The following MSRA variants were observed in gnomAD, a reference collection of about 807,000 sequenced individuals.
MSRA encodes methionine sulfoxide reductase A, also known as mitochondrial peptide methionine sulfoxide reductase.
In MSRA, 54 loss-of-function variants were observed where a neutral mutation model predicts 31.3. The ratio of observed to expected loss-of-function variants is 1.73; its 90% CI spans 1.39 to 2.17. MSRA has a LOEUF of 2.17. Among genes scored for constraint, MSRA ranks in the 30% most tolerant of loss-of-function variants. The pLI, the probability that MSRA is intolerant of heterozygous loss-of-function variation, is 0.00. For missense variants in MSRA, 507 were observed against 300.9 expected (o/e 1.69, Z -5.07); for synonymous variants, 169 against 116.5 (o/e 1.45, Z -2.90).
chr8:10,355,569 A>G (rs1053743465), intron 5 of MSRA, among the ~76,000 whole-genome samples: 5 of 152,178 alleles, frequency 3.3e-5, no homozygotes, highest in African/African-American at 1.2e-4. Context: ...GGCTCACCTG[A>G]TGGATGCATT....
intron 1 of MSRA, among the ~76,000 whole-genome samples, chr8:10,147,328 G>A (rs1357118099): frequency 2.0e-5 from 3 of 152,148 alleles, no homozygotes; most frequent in East Asian, 1.9e-4. Context: ...TGGCCACCGA[G>A]CCTAGGGAGT....
intron 1 of MSRA, among the ~76,000 whole-genome samples, chr8:10,140,960 TA>T (rs1802652969): frequency 6.6e-6 from 1 of 152,090 alleles, no homozygotes; most frequent in African/African-American, 2.4e-5. Flanking sequence ...GCCATACACC[TA>T]AAGATGAATA....
At position 10,078,340 on chromosome 8, in the gene MSRA, A is replaced by C. The variant is rs529989214; in HGVS notation, c.142+23682A>C. ...CTGAAACGTGAGAGAGGTGTGTATG[A>C]ATGGTTGGTTTGGGTGTATGTTCAC... On this transcript the variant is annotated intron_variant, in intron 1 of 5. Coordinates refer to ENST00000317173, the MANE Select transcript of MSRA (RefSeq NM_012331.5). Among the ~76,000 whole-genome samples the C allele has an allele frequency of 3.9e-4, 59 of 152,272 alleles. 1 individual carries two copies. The South Asian group carries it at 0.012, about 32-fold the overall frequency.
intron 3 of MSRA, among the ~76,000 whole-genome samples, chr8:10,259,502 TCTC>T (rs1384827596): frequency 2.0e-5 from 3 of 152,220 alleles, no homozygotes; most frequent in South Asian, 4.2e-4. Context: ...TCTGGAGTTG[TCTC>T]CTCCTCTCTC....
chr8:10,257,047 A>G (rs985006049), intron 3 of MSRA, among the ~76,000 whole-genome samples: 1 of 152,256 alleles, frequency 6.6e-6, no homozygotes, highest in Non-Finnish European at 1.5e-5. Context: ...TAGTTATATC[A>G]GGCAGGAAGA....
chr8:10,247,976 G>A (rs930955692), intron 3 of MSRA, among the ~76,000 whole-genome samples: 1 of 152,068 alleles, frequency 6.6e-6, no homozygotes, highest in African/African-American at 2.4e-5. Context: ...GAGGGGTGGG[G>A]GAGACATAAA....
At chr8:10,256,484 G>A (rs959560832) in intron 3 of MSRA, among the ~76,000 whole-genome samples, 2 of 152,318 alleles carry the variant, frequency 1.3e-5, no homozygotes, top group South Asian at 2.1e-4. Context: ...ACTCTGGAGT[G>A]GGGGAGGCCT....
intron 5 of MSRA, among the ~76,000 whole-genome samples, chr8:10,423,916 T>C (rs1433524683): frequency 6.6e-6 from 1 of 152,192 alleles, no homozygotes; most frequent in Non-Finnish European, 1.5e-5. Flanking sequence ...TTCTCATTCA[T>C]TCATTCATTC....
At chr8:10,367,729 GGC>G (rs1249337196) in intron 5 of MSRA, among the ~76,000 whole-genome samples, 1 of 152,194 alleles carries the variant, frequency 6.6e-6, no homozygotes, top group Non-Finnish European at 1.5e-5. Context: ...CTCTGTCTCC[GGC>G]GCTGGCTGGA....
chr8:10,113,289 C>CTTTTTTTGTTTTTTTTTTTTT (rs1467440154), intron 1 of MSRA, among the ~76,000 whole-genome samples: 1 of 50,896 alleles, frequency 2.0e-5, no homozygotes, highest in Non-Finnish European at 3.2e-5. Context: ...GAAGACAGGT[C>CTTTTTTTGTTTTTTTTTTTTT]TTCTTTTTTT....
chr8:10,238,381 C>G (rs1259747270), intron 2 of MSRA, among the ~76,000 whole-genome samples: 1 of 152,206 alleles, frequency 6.6e-6, no homozygotes, highest in Non-Finnish European at 1.5e-5. Flanking sequence ...ACTATGTCAT[C>G]TACCTAGGAT....
At chr8:10,234,407 A>G (rs1811765210) in intron 2 of MSRA, among the ~76,000 whole-genome samples, 1 of 152,148 alleles carries the variant, frequency 6.6e-6, no homozygotes, top group Non-Finnish European at 1.5e-5. Flanking sequence ...TGGAAAACAT[A>G]GTGAAGTGGG....
At chr8:10,355,264 C>T (rs1270731549) in intron 5 of MSRA, among the ~76,000 whole-genome samples, 1 of 152,114 alleles carries the variant, frequency 6.6e-6, no homozygotes, top group East Asian at 1.9e-4. Context: ...TTCATGTTTG[C>T]AAAGAGAGGA....
At chr8:10,237,519 T>C (rs944705312) in intron 2 of MSRA, among the ~76,000 whole-genome samples, 4 of 152,250 alleles carry the variant, frequency 2.6e-5, no homozygotes, top group Admixed American at 6.5e-5. Context: ...GGATATGTTA[T>C]GGAATTTGAC....
intron 5 of MSRA, among the ~76,000 whole-genome samples, chr8:10,423,748 C>A (rs768725938): frequency 6.6e-6 from 1 of 152,188 alleles, no homozygotes; most frequent in African/African-American, 2.4e-5. Flanking sequence ...CTCTGTGACA[C>A]GGAAAGTGGC....
chr8:10,219,516 T>G (rs1810292683), intron 2 of MSRA, among the ~76,000 whole-genome samples: 1 of 152,030 alleles, frequency 6.6e-6, no homozygotes, highest in African/African-American at 2.4e-5. Flanking sequence ...ATAATTCCCA[T>G]GAATGAAATT....
intron 1 of MSRA, among the ~76,000 whole-genome samples, chr8:10,158,843 C>T (rs887058580): frequency 1.3e-5 from 2 of 152,148 alleles, no homozygotes; most frequent in African/African-American, 2.4e-5. Flanking sequence ...TTTTTCAGTC[C>T]CACCTGCAGA....
At chr8:10,180,171 C>G (rs188716664) in intron 1 of MSRA, among the ~76,000 whole-genome samples, 1 of 152,172 alleles carries the variant, frequency 6.6e-6, no homozygotes, top group Non-Finnish European at 1.5e-5. Flanking sequence ...ACTCAGTAGT[C>G]CACACAACCC....
At chr8:10,093,410 A>G (rs1484613901) in intron 1 of MSRA, among the ~76,000 whole-genome samples, 2 of 152,204 alleles carry the variant, frequency 1.3e-5, no homozygotes, top group Non-Finnish European at 2.9e-5. Context: ...AATCTAATTC[A>G]GATTAATACC....
Sources: gnomAD v4.1 joint callset for allele counts (sites outside exome capture counted in the v4.1 genomes callset) on GRCh38, gnomAD v4.1.1 for gene constraint, MANE v1.5 for transcripts, NCBI Gene and HGNC (gene_info 2026-07-23, HGNC 2026-07-21) for gene names.